ARHGAP20: variants seen among roughly 807,000 people sequenced by gnomAD.
ARHGAP20 encodes Rho GTPase activating protein 20, also known as rho GTPase-activating protein 20.
A neutral mutation model predicts 73.7 loss-of-function variants in ARHGAP20; 34 were observed. The ratio of observed to expected loss-of-function variants is 0.46; its 90% CI spans 0.35 to 0.61. The LOEUF (loss-of-function observed/expected upper bound fraction) is 0.61. Among genes scored for constraint, ARHGAP20 ranks in the 20% least tolerant of loss-of-function variants. The probability of loss-of-function intolerance (pLI) is 0.00; values close to 1 mark genes in which losing one functional copy is unlikely to be tolerated. For synonymous variants in ARHGAP20, 523 were observed against 518.2 expected (o/e 1.01, Z -0.13); for missense variants, 1,314 against 1,420.9 (o/e 0.92, Z 1.21).
At chr11:110,656,202 T>C (rs1238381019) in intron 2 of ARHGAP20, among the ~76,000 whole-genome samples, 1 of 152,038 alleles carries the variant, frequency 6.6e-6, no homozygotes, top group East Asian at 1.9e-4. Context: ...CCTCAAGCAG[T>C]ACACTCCTAC....
At chr11:110,665,066 AG>A (rs1314837105) in intron 2 of ARHGAP20, among the ~76,000 whole-genome samples, 2 of 152,298 alleles carry the variant, frequency 1.3e-5, no homozygotes, top group Middle Eastern at 3.4e-3. Context: ...GAAAGACACT[AG>A]GGAAGTGCCC....
At chr11:110,687,386 CTCA>C (rs1249127821) in intron 2 of ARHGAP20, among the ~76,000 whole-genome samples, 1 of 152,102 alleles carries the variant, frequency 6.6e-6, no homozygotes, top group Admixed American at 6.6e-5. Context: ...TGAAACAAAA[CTCA>C]TCATATTTTG....
At chr11:110,709,974 A>G (rs1854892217) in intron 1 of ARHGAP20, among the ~76,000 whole-genome samples, 1 of 152,200 alleles carries the variant, frequency 6.6e-6, no homozygotes, top group Non-Finnish European at 1.5e-5. Flanking sequence ...CTTGGACTAC[A>G]CTGGCAACAG....
intron 3 of ARHGAP20, among the ~76,000 whole-genome samples, chr11:110,624,563 A>G (rs557375319): frequency 2.0e-5 from 3 of 152,128 alleles, no homozygotes; most frequent in African/African-American, 7.2e-5. Context: ...CAATAGGAAC[A>G]GCAAACCACC....
chr11:110,642,272 C>A (rs1949093421), intron 2 of ARHGAP20, among the ~76,000 whole-genome samples: 1 of 151,982 alleles, frequency 6.6e-6, no homozygotes, highest in Non-Finnish European at 1.5e-5. Flanking sequence ...ATTTGGATGC[C>A]TTTTATTTCT....
At chr11:110,694,458 T>C (rs1950299607) in intron 1 of ARHGAP20, among the ~76,000 whole-genome samples, 1 of 151,638 alleles carries the variant, frequency 6.6e-6, no homozygotes. Context: ...AGCCTAACCA[T>C]AAATGAATAA....
chr11:110,649,882 T>C (rs1241857683), intron 2 of ARHGAP20, among the ~76,000 whole-genome samples: 4 of 152,220 alleles, frequency 2.6e-5, no homozygotes, highest in South Asian at 4.1e-4. Flanking sequence ...AGTTCTCTCA[T>C]TGAATGAAAT....
At chr11:110,679,517 C>T (rs569230303) in intron 2 of ARHGAP20, among the ~76,000 whole-genome samples, 4 of 152,314 alleles carry the variant, frequency 2.6e-5, no homozygotes, top group Admixed American at 6.5e-5. Context: ...GACAGACACA[C>T]TCAGAGATGT....
chr11:110,697,074 C>T (rs1450848481), intron 1 of ARHGAP20, among the ~76,000 whole-genome samples: 2 of 151,406 alleles, frequency 1.3e-5, no homozygotes, highest in Non-Finnish European at 3.0e-5. Context: ...GTCTTTATAA[C>T]ATAATGATTT....
intron 1 of ARHGAP20, among the ~76,000 whole-genome samples, chr11:110,710,931 T>C (rs971848386): frequency 1.4e-5 from 2 of 145,228 alleles, no homozygotes; most frequent in African/African-American, 5.2e-5. Flanking sequence ...AGATATTTCT[T>C]AAGGAAAAGC....
chr11:110,584,908 T>TATATATATGA (rs1555082351), intron 12 of ARHGAP20, among the ~76,000 whole-genome samples: 4,078 of 148,794 alleles, frequency 0.027, 162 homozygotes, highest in African/African-American at 0.09. Flanking sequence ...TATATGTGAA[T>TATATATATGA]ATATATATGA....
intron 1 of ARHGAP20, among the ~76,000 whole-genome samples, chr11:110,693,091 T>A (rs568951176): frequency 6.6e-6 from 1 of 152,054 alleles, no homozygotes; most frequent in African/African-American, 2.4e-5. Flanking sequence ...GCTTTTGAAA[T>A]GGGTGTTTTT....
chr11:110,692,880 T>C (rs77446578), intron 1 of ARHGAP20, among the ~76,000 whole-genome samples: 3,771 of 152,082 alleles, frequency 0.025, 147 homozygotes, highest in African/African-American at 0.08. Flanking sequence ...TAGTGGTTTG[T>C]TGAGAAATCT....
chr11:110,584,956 T>TGA lies in ARHGAP20; in HGVS notation c.1416-1220_1416-1219insTC, dbSNP rs1947595604. Among the ~76,000 whole-genome samples, 3 of 70,400 alleles carry TGA rather than the reference T, an allele frequency of 4.3e-5. No homozygotes were observed. In the Admixed American group the frequency reaches 6.7e-4, roughly 16 times the overall value. 46.2% of individuals were successfully genotyped at this position (70,400 alleles called of 152,430 possible). On this transcript the variant is annotated intron_variant, in intron 12 of 14. Coordinates refer to ENST00000683387, the MANE Select transcript of ARHGAP20 (RefSeq NM_001384657.1). ...ATATATGTGTATATGAATATATGAATATATGTGAATATATGAATATATATG... is the reference window on the plus strand; with the variant it reads ...ATATATGTGTATATGAATATATGAATGAATATGTGAATATATGAATATATATG...
chr11:110,617,520 C>T (rs537427904), intron 4 of ARHGAP20, among the ~76,000 whole-genome samples: 1 of 152,266 alleles, frequency 6.6e-6, no homozygotes, highest in African/African-American at 2.4e-5. Context: ...GCCTCCGCCT[C>T]CCAAAGTGCT....
intron 2 of ARHGAP20, among the ~76,000 whole-genome samples, chr11:110,652,064 G>C (rs1238731363): frequency 6.6e-6 from 1 of 152,060 alleles, no homozygotes; most frequent in Non-Finnish European, 1.5e-5. Flanking sequence ...TTCATCCCTG[G>C]GATGCAAGGC....
chr11:110,601,521 T>C (rs1948108844), intron 9 of ARHGAP20, among the ~76,000 whole-genome samples: 1 of 152,240 alleles, frequency 6.6e-6, no homozygotes, highest in South Asian at 2.1e-4. Context: ...TTTTTAATTA[T>C]GCATATTTTA....
chr11:110,690,625 A>G lies in ARHGAP20; in HGVS notation c.110T>C (p.Met37Thr), dbSNP rs763527981. ...CCTCCTCCTTTCTGCTAGTGTTTTC[A>G]TTTTCTGTTGATGAAACAAACCAAA... ...LAGGSCTKKK[M>T]KTLAERRRSA... The change falls in exon 2 of 15, where the codon ATG becomes ACG. Residue 37 changes from methionine to threonine, a missense_variant. Physicochemically the swap from Met to Thr is moderately conservative, Grantham distance 81 (BLOSUM62 -1). Transcript: ENST00000683387. 7 of 1,613,846 alleles carry G rather than the reference A, an allele frequency of 4.3e-6. No homozygotes were observed. The highest frequency in any genetic ancestry group is 4.0e-5 in the African/African-American group (3 of 74,974).
intron 9 of ARHGAP20, among the ~76,000 whole-genome samples, chr11:110,594,877 T>C (rs577102770): frequency 7.2e-5 from 11 of 152,160 alleles, no homozygotes; most frequent in African/African-American, 2.4e-4. Context: ...TGATAAACAT[T>C]GATGCAAAAA....
Sources: allele counts gnomAD v4.1 joint callset (sites outside exome capture counted in the v4.1 genomes callset), GRCh38; gene constraint gnomAD v4.1.1; transcripts MANE v1.5; gene names NCBI Gene and HGNC (gene_info 2026-07-23, HGNC 2026-07-21).